ATL3: variants seen among roughly 807,000 people sequenced by gnomAD.
The protein encoded by ATL3 is atlastin GTPase 3, also known as atlastin-3.
Under a neutral mutation model 69.5 loss-of-function variants are expected in ATL3, and 49 were observed. The observed-to-expected ratio is 0.71, with a 90% confidence interval of 0.56 to 0.89. The LOEUF is 0.89. Ranked by LOEUF, ATL3 falls within the 40% of genes least tolerant of loss-of-function variation. ATL3 has a pLI of 0.00. For synonymous variants in ATL3, 214 were observed against 224.1 expected (o/e 0.95, Z 0.40); for missense variants, 606 against 645.7 (o/e 0.94, Z 0.67).
chr11:63,641,509 A>G (rs911912551), intron 8 of ATL3, among the ~76,000 whole-genome samples: 2 of 152,232 alleles, frequency 1.3e-5, no homozygotes, highest in Non-Finnish European at 2.9e-5. Flanking sequence ...GAACACACAA[A>G]GAAGGCGGTC....
intron 5 of ATL3, among the ~76,000 whole-genome samples, chr11:63,648,841 G>C (rs61928168): frequency 0.11 from 16,501 of 151,542 alleles, 1,052 homozygotes; most frequent in Middle Eastern, 0.17. Context: ...AAAAAGGCCA[G>C]GCACGGCGGC....
rs779607967 is a variant in ATL3, at chr11:63,643,504, G to A, written c.712-9C>T. On this transcript the variant is annotated splice_polypyrimidine_tract_variant and intron_variant, in intron 7 of 12. Coordinates refer to ENST00000398868, the MANE Select transcript of ATL3 (RefSeq NM_015459.5). ...TGTTGATGTTCCTTCACCTGCCAAT[G>A]AAGACCAAGAATTTACCAACCAAAA... 7 of 1,601,530 alleles carry A rather than the reference G, an allele frequency of 4.4e-6. No individual in the cohort carries two copies. The South Asian group carries it at 5.7e-5, about 13-fold the overall frequency.
Position 63,627,985 on chromosome 11 carries a change from T to C in ATL3, c.*1334A>G, listed in dbSNP as rs554892047. On this transcript the variant is annotated 3_prime_UTR_variant, in exon 13 of 13. Transcript: ENST00000398868. ...GAATAAAGACCTTAAATCAGGTTAT[T>C]AATTGCTGCTAAGCCACATGAAATT... 1.2e-4 allele frequency: 19 copies of C among 152,232 alleles called. No homozygotes were observed. The highest frequency in any genetic ancestry group is 2.5e-4 in the Non-Finnish European group (17 of 68,040). 9.4% of individuals were successfully genotyped at this position (152,232 alleles called of 1,614,324 possible).
At chr11:63,671,558 C>T, upstream of ATL3, 4 of 1,423,016 alleles carry the variant, frequency 2.8e-6, no homozygotes, top group Non-Finnish European at 3.7e-6. Flanking sequence ...CGAGGCTAGG[C>T]GAGGCGGGGC....
rs184995499 is a variant in ATL3 at position 63,640,215 on chromosome 11, G to A, written c.850+3142C>T. 6.6e-5 allele frequency among the ~76,000 whole-genome samples: 10 copies of A among 152,208 alleles called. No homozygotes were observed. In the East Asian group the frequency reaches 1.2e-3, roughly 18 times the overall value. On this transcript the variant is annotated intron_variant, in intron 8 of 12. Coordinates refer to ENST00000398868, the MANE Select transcript of ATL3 (RefSeq NM_015459.5). ...ACTGGGATTACAAGCGTGAGCTACC[G>A]CACCCGGCCTCTACCTTATCCTTTT...
In ATL3 at chr11:63,626,964, G is replaced by C. The variant is rs987457530; in HGVS notation, c.*2355C>G. On this transcript the variant is annotated 3_prime_UTR_variant, in exon 13 of 13. Transcript: ENST00000398868. Reference sequence around the variant, plus strand: ...TAAGAAAAAAAAAAAATGGTGAAGAGGACTTCCTCTGGATAATTAAACCAA... The same window carrying C: ...TAAGAAAAAAAAAAAATGGTGAAGACGACTTCCTCTGGATAATTAAACCAA... The C allele has an allele frequency of 6.6e-6, 1 of 151,760 alleles. No individual in the cohort carries two copies. Among genetic ancestry groups the C allele is most frequent in the Non-Finnish European group, 1.5e-5 (1 of 67,956 alleles). The allele number at this position is 151,760 out of a possible 1,614,324, so 9.4% of individuals were successfully genotyped here.
At chr11:63,671,562 G>T, upstream of ATL3, 1 of 1,423,954 alleles carries the variant, frequency 7.0e-7, no homozygotes, top group Non-Finnish European at 9.2e-7. Flanking sequence ...GCTAGGCGAG[G>T]CGGGGCGGGA....
intron 1 of ATL3, among the ~76,000 whole-genome samples, chr11:63,660,279 G>A (rs890261734): frequency 6.6e-6 from 1 of 151,936 alleles, no homozygotes; most frequent in South Asian, 2.1e-4. Flanking sequence ...AAAAATAACA[G>A]GCACTTTGTA....
rs542044451 is a variant in ATL3 at position 63,662,237 on chromosome 11, A to G, written c.47-2985T>C. 1.2e-4 allele frequency among the ~76,000 whole-genome samples: 18 copies of G among 151,962 alleles called. No homozygotes were observed. The South Asian group carries it at 1.5e-3, about 12-fold the overall frequency. On this transcript the variant is annotated intron_variant, in intron 1 of 12. Transcript: ENST00000398868. ...CAAAAAAAAAAAAAAAAAGAAAGAA[A>G]GAAAGAAATTCAGAGCCACTTAGTA...
At chr11:63,665,192 A>G (rs1940537245) in intron 1 of ATL3, among the ~76,000 whole-genome samples, 1 of 152,066 alleles carries the variant, frequency 6.6e-6, no homozygotes, top group African/African-American at 2.4e-5. Flanking sequence ...CTAAAAATAC[A>G]AAATTAGCTG....
intron 10 of ATL3, among the ~76,000 whole-genome samples, chr11:63,635,193 TA>T (rs1191297260): frequency 3.3e-5 from 5 of 151,436 alleles, no homozygotes; most frequent in Admixed American, 6.6e-5. Context: ...TATATAAAAA[TA>T]AAAAAAATAA....
chr11:63,636,047 A>G (rs1227075676), intron 9 of ATL3, among the ~76,000 whole-genome samples, 160 bp downstream of exon 9: 1 of 151,138 alleles, frequency 6.6e-6, no homozygotes, highest in Non-Finnish European at 1.5e-5. Flanking sequence ...CTGCCACCCA[A>G]TGGCCCACTC....
At chr11:63,668,114 G>A (rs1252403560) in intron 1 of ATL3, among the ~76,000 whole-genome samples, 1 of 152,170 alleles carries the variant, frequency 6.6e-6, no homozygotes, top group Non-Finnish European at 1.5e-5. Flanking sequence ...TTGCTGAGTA[G>A]ATTCATGTAT....
At chr11:63,648,351 A>C (rs931961700) in intron 5 of ATL3, among the ~76,000 whole-genome samples, 2 of 152,228 alleles carry the variant, frequency 1.3e-5, no homozygotes, top group Admixed American at 1.3e-4. Context: ...TCTGCAAAAA[A>C]AATAGACATT....
intron 11 of ATL3, chr11:63,632,627 C>A (rs765132897): frequency 1.7e-5 from 16 of 937,004 alleles, no homozygotes; most frequent in Non-Finnish European, 2.6e-5. Flanking sequence ...TCCATATGAA[C>A]TAATAAGAGG....
chr11:63,648,342 C>A (rs548561650), intron 5 of ATL3, among the ~76,000 whole-genome samples: 1 of 152,220 alleles, frequency 6.6e-6, no homozygotes, highest in African/African-American at 2.4e-5. Context: ...GAATAAATAT[C>A]TGCAAAAAAA....
Position 63,633,011 on chromosome 11 carries a change from G to GT in ATL3, c.1107+14dup, listed in dbSNP as rs1231740954. 5.6e-6 allele frequency: 9 copies of GT among 1,610,248 alleles called. No homozygotes were observed. Among genetic ancestry groups the GT allele is most frequent in the Non-Finnish European group, 6.8e-6 (8 of 1,176,684 alleles). On this transcript the variant is annotated intron_variant, in intron 11 of 12. Coordinates refer to ENST00000398868, the MANE Select transcript of ATL3 (RefSeq NM_015459.5). Reference sequence around the variant, plus strand: ...GATTATAGATATTTCAGAATAAGGCGTATGTCCCACGTACCTCTTCCATGT... The same window carrying GT: ...GATTATAGATATTTCAGAATAAGGCGTTATGTCCCACGTACCTCTTCCATGT...
chr11:63,633,304 T>C (rs907698886), intron 10 of ATL3, among the ~76,000 whole-genome samples: 2 of 152,236 alleles, frequency 1.3e-5, no homozygotes, highest in African/African-American at 4.8e-5. Flanking sequence ...TTCATATACA[T>C]AGAAATATGT....
Position 63,646,516 on chromosome 11 carries a change from C to T in ATL3, c.609G>A (p.Lys203=). 6.3e-7 allele frequency: 1 copy of T among 1,590,362 alleles called. No homozygotes were observed. Among genetic ancestry groups the T allele is most frequent in the Non-Finnish European group, 8.6e-7 (1 of 1,162,778 alleles). The part of the protein sequence containing the change: ...GRLAMDEIFQ[K]PFQTLMFLVR... ...AAATAAATATTCTAACCTGGAAAGG[C>T]TTTTGGAAAATTTCATCCATTGCCA... The change falls in exon 6 of 13, where the codon AAG becomes AAA. Residue 203 remains lysine, a synonymous_variant. Transcript: ENST00000398868.
Sources: gnomAD v4.1 joint callset for allele counts (sites outside exome capture counted in the v4.1 genomes callset) on GRCh38, gnomAD v4.1.1 for gene constraint, MANE v1.5 for transcripts, NCBI Gene and HGNC (gene_info 2026-07-23, HGNC 2026-07-21) for gene names.